CIMIP4: variants seen among roughly 807,000 people sequenced by gnomAD.
CIMIP4 encodes protein EAN57.
the CIMIP4 span, among the ~76,000 whole-genome samples, chr22:36,996,771 C>T: frequency 3.9e-5 from 6 of 152,146 alleles, no homozygotes; most frequent in Admixed American, 3.9e-4. Context: ...GGAGTATTGC[C>T]TGACCAGATA....
chr22:37,000,269 G>A, the CIMIP4 span, among the ~76,000 whole-genome samples: 1 of 152,110 alleles, frequency 6.6e-6, no homozygotes, highest in African/African-American at 2.4e-5. Context: ...GGGACGGGGG[G>A]TCTCTATAGG....
chr22:36,998,660 A>G, the CIMIP4 span, among the ~76,000 whole-genome samples: 1 of 152,170 alleles, frequency 6.6e-6, no homozygotes, highest in Admixed American at 6.5e-5. Context: ...AATGCAGACT[A>G]CTGAGAGTTC....
At chr22:36,999,984 C>A in the CIMIP4 span, 12 of 1,609,880 alleles carry the variant, frequency 7.5e-6, no homozygotes, top group South Asian at 1.1e-5. Context: ...GCCTTTTGAG[C>A]CTGAGCAGGG....
the CIMIP4 span, chr22:37,004,044 G>T: frequency 6.5e-7 from 1 of 1,537,666 alleles, no homozygotes; most frequent in East Asian, 2.5e-5. Context: ...AAAGCACCAC[G>T]TTTCATCGTC....
At chr22:37,000,013 G>A in the CIMIP4 span, 604 of 1,596,322 alleles carry the variant, frequency 3.8e-4, 3 homozygotes, top group African/African-American at 7.3e-3. Context: ...ATGACAGACA[G>A]GGGATGGAAA....
chr22:37,006,167 G>T, the CIMIP4 span, among the ~76,000 whole-genome samples: 1 of 152,278 alleles, frequency 6.6e-6, no homozygotes, highest in South Asian at 2.1e-4. Context: ...TTACTGTTGA[G>T]AAAATAACAT....
At chr22:36,993,015 T>C in the CIMIP4 span, among the ~76,000 whole-genome samples, 28 of 141,540 alleles carry the variant, frequency 2.0e-4, no homozygotes, top group African/African-American at 6.2e-4. Context: ...GTTTTTTTTT[T>C]CTTTTTTTTT....
the CIMIP4 span, among the ~76,000 whole-genome samples, chr22:37,002,888 C>T: frequency 6.6e-6 from 1 of 152,290 alleles, no homozygotes; most frequent in South Asian, 2.1e-4. Context: ...AGAAGTGGCA[C>T]CATCCCAGCC....
the CIMIP4 span, among the ~76,000 whole-genome samples, chr22:36,999,549 A>G: frequency 2.8e-4 from 3 of 10,544 alleles, no homozygotes; most frequent in Admixed American, 1.7e-3. Flanking sequence ...AGGGGAGGGG[A>G]GAGAAGGGGA....
At chr22:36,993,605 T>G in the CIMIP4 span, among the ~76,000 whole-genome samples, 1 of 150,170 alleles carries the variant, frequency 6.7e-6, no homozygotes, top group Non-Finnish European at 1.5e-5. Context: ...GGCAGGCGCC[T>G]GTAGTCTCAG....
chr22:37,006,868 C>T, the CIMIP4 span, among the ~76,000 whole-genome samples: 1 of 152,156 alleles, frequency 6.6e-6, no homozygotes, highest in African/African-American at 2.4e-5. Context: ...TAAGAGACTA[C>T]AACTTCTGTC....
chr22:37,001,975 C>CA, the CIMIP4 span: 13 of 1,614,064 alleles, frequency 8.1e-6, no homozygotes, highest in Non-Finnish European at 1.1e-5. Flanking sequence ...CATCCGTCCC[C>CA]TGGCATGGCT....
chr22:36,994,699 C>T, the CIMIP4 span, among the ~76,000 whole-genome samples: 1 of 148,278 alleles, frequency 6.7e-6, no homozygotes, highest in African/African-American at 2.5e-5. Context: ...GGCGCAATCT[C>T]GGCTCACTGC....
the CIMIP4 span, chr22:36,991,296 A>C: frequency 6.2e-7 from 1 of 1,613,364 alleles, no homozygotes; most frequent in Non-Finnish European, 8.5e-7. Context: ...GCAGGAGAAG[A>C]GCCAGCACAG....
chr22:36,991,366 C>G, the CIMIP4 span: 14 of 1,551,014 alleles, frequency 9.0e-6, no homozygotes, highest in African/African-American at 4.1e-5. Context: ...CGTACCTCTT[C>G]CAAGTCCACC....
the CIMIP4 span, chr22:37,003,950 G>A: frequency 7.1e-6 from 11 of 1,548,202 alleles, no homozygotes; most frequent in Non-Finnish European, 8.7e-6. Context: ...GCACATCCCT[G>A]GTCTGCCTGT....
chr22:36,991,733 G>A, the CIMIP4 span: 24 of 702,982 alleles, frequency 3.4e-5, no homozygotes, highest in Non-Finnish European at 5.1e-5. Context: ...AAGTAAAGTC[G>A]TTTGGGTTCA....
the CIMIP4 span, among the ~76,000 whole-genome samples, chr22:36,999,253 T>C: frequency 0.025 from 3,687 of 149,676 alleles, 157 homozygotes; most frequent in African/African-American, 0.087. Flanking sequence ...GCCCAGGAGT[T>C]TGAGACCAGC....
chr22:36,995,936 G>A, the CIMIP4 span, among the ~76,000 whole-genome samples: 4 of 152,164 alleles, frequency 2.6e-5, no homozygotes, highest in Non-Finnish European at 4.4e-5. Flanking sequence ...AGATAAGGAT[G>A]CCTGTTTTTC....
Sources: gnomAD v4.1 joint callset for allele counts (sites outside exome capture counted in the v4.1 genomes callset) on GRCh38, gnomAD v4.1.1 for gene constraint, MANE v1.5 for transcripts, NCBI Gene and HGNC (gene_info 2026-07-23, HGNC 2026-07-21) for gene names.